Variants in SPAG16 observed in about 807,000 individuals in gnomAD.
SPAG16 encodes the protein sperm associated antigen 16, also known as sperm-associated antigen 16 protein.
In SPAG16, 86 loss-of-function variants were observed where a neutral mutation model predicts 80.4. The observed-to-expected ratio is 1.07, with a 90% CI of 0.90 to 1.28. SPAG16 has a LOEUF of 1.28. Among genes scored for constraint, SPAG16 ranks in the 50% most tolerant of loss-of-function variants. SPAG16 has a pLI of 0.00. For missense variants in SPAG16, 870 were observed against 765.3 expected (o/e 1.14, Z -1.61); for synonymous variants, 294 against 265.9 (o/e 1.11, Z -1.03).
intron 5 of SPAG16, among the ~76,000 whole-genome samples, chr2:213,339,244 G>A (rs991616756): frequency 6.6e-6 from 1 of 152,104 alleles, no homozygotes; most frequent in Middle Eastern, 3.2e-3. Flanking sequence ...CTGTTCGTGT[G>A]CATTTATTTT....
intron 15 of SPAG16, among the ~76,000 whole-genome samples, chr2:214,377,623 TCCAA>T (rs5838431): frequency 0.13 from 20,411 of 152,214 alleles, 1,708 homozygotes; most frequent in Non-Finnish European, 0.19. Context: ...TGGTAACGCT[TCCAA>T]CCAACAGTAG....
intron 15 of SPAG16, among the ~76,000 whole-genome samples, chr2:214,407,074 G>T (rs1402760938): frequency 3.3e-5 from 5 of 151,858 alleles, no homozygotes; most frequent in Non-Finnish European, 7.4e-5. Flanking sequence ...AAGAAAAAAA[G>T]CAAGGCATTT....
intron 11 of SPAG16, among the ~76,000 whole-genome samples, chr2:213,865,286 A>G (rs1344252396): frequency 6.6e-6 from 1 of 152,032 alleles, no homozygotes; most frequent in African/African-American, 2.4e-5. Context: ...ATTTATGACC[A>G]AGATTCAATG....
At chr2:213,538,628 G>A (rs2076326435) in intron 10 of SPAG16, among the ~76,000 whole-genome samples, 1 of 152,040 alleles carries the variant, frequency 6.6e-6, no homozygotes, top group Non-Finnish European at 1.5e-5. Flanking sequence ...AAAGGATTCT[G>A]CCATCACCCT....
At chr2:213,809,381 C>T (rs1351173245) in intron 10 of SPAG16, among the ~76,000 whole-genome samples, 1 of 152,110 alleles carries the variant, frequency 6.6e-6, no homozygotes, top group Non-Finnish European at 1.5e-5. Context: ...AAAGGAAAAA[C>T]TCACCCAGGT....
At chr2:214,261,098 A>G (rs757088001) in intron 15 of SPAG16, among the ~76,000 whole-genome samples, 2 of 101,518 alleles carry the variant, frequency 2.0e-5, no homozygotes, top group Non-Finnish European at 1.9e-5. Context: ...CAAGAGCAAG[A>G]CTCAGTCTCA....
chr2:213,940,838 C>G (rs1218289765), intron 12 of SPAG16, among the ~76,000 whole-genome samples: 1 of 152,030 alleles, frequency 6.6e-6, no homozygotes, highest in East Asian at 1.9e-4. Context: ...ACTTCTTACC[C>G]CTAACTCTTA....
intron 14 of SPAG16, among the ~76,000 whole-genome samples, chr2:214,140,090 G>A (rs919063095): frequency 2.6e-5 from 4 of 152,046 alleles, no homozygotes; most frequent in South Asian, 2.1e-4. Context: ...TAACCTGATC[G>A]CCTCAGGCAC....
intron 10 of SPAG16, among the ~76,000 whole-genome samples, chr2:213,763,788 C>G (rs2125529805): frequency 6.6e-6 from 1 of 152,244 alleles, no homozygotes; most frequent in South Asian, 2.1e-4. Context: ...ATCTGGATGA[C>G]CGTCTTGCTC....
intron 10 of SPAG16, among the ~76,000 whole-genome samples, chr2:213,493,219 A>G (rs1375474733): frequency 6.6e-6 from 1 of 152,226 alleles, no homozygotes. Flanking sequence ...ATTGCTATAA[A>G]CTTAAATATT....
intron 15 of SPAG16, among the ~76,000 whole-genome samples, chr2:214,193,426 TGAGAGAGAGAGAGA>T (rs55774604): frequency 6.6e-5 from 9 of 136,516 alleles, no homozygotes; most frequent in East Asian, 4.3e-4. Flanking sequence ...TGTGTGTGTA[TGAGAGAGAGAGAGA>T]GAGAGAGAGA....
intron 15 of SPAG16, among the ~76,000 whole-genome samples, chr2:214,227,357 A>G (rs952056506): frequency 3.3e-5 from 5 of 152,088 alleles, no homozygotes; most frequent in African/African-American, 1.2e-4. Context: ...TATACCTAAA[A>G]TCTGCTTTAG....
intron 15 of SPAG16, among the ~76,000 whole-genome samples, chr2:214,316,381 T>A (rs1489564258): frequency 6.6e-6 from 1 of 152,154 alleles, no homozygotes; most frequent in Non-Finnish European, 1.5e-5. Context: ...CAAGAGACTT[T>A]CTTAGCCTCA....
chr2:213,350,392 T>C, intron 6 of SPAG16, 136 bp from the exon 7 acceptor site: 1 of 486,698 alleles, frequency 2.1e-6, no homozygotes, highest in East Asian at 3.3e-5. Context: ...TTGGCTGTAG[T>C]GTGTTAACCT....
intron 15 of SPAG16, among the ~76,000 whole-genome samples, chr2:214,248,931 G>A (rs1372743502): frequency 6.6e-6 from 1 of 152,064 alleles, no homozygotes; most frequent in Non-Finnish European, 1.5e-5. Flanking sequence ...CTAAAAACTG[G>A]AACCACAGCA....
At chr2:213,682,370 T>C (rs1381602148) in intron 10 of SPAG16, among the ~76,000 whole-genome samples, 1 of 152,218 alleles carries the variant, frequency 6.6e-6, no homozygotes, top group Non-Finnish European at 1.5e-5. Context: ...TTCAATCATA[T>C]ACACTTTGAT....
intron 9 of SPAG16, among the ~76,000 whole-genome samples, chr2:213,387,807 T>A (rs1431393804): frequency 6.6e-6 from 1 of 152,156 alleles, no homozygotes; most frequent in East Asian, 1.9e-4. Flanking sequence ...ATTTAGATTG[T>A]TTTGTTTCTA....
intron 10 of SPAG16, among the ~76,000 whole-genome samples, chr2:213,809,435 GGT>G (rs2071983911): frequency 6.6e-6 from 1 of 152,030 alleles, no homozygotes; most frequent in African/African-American, 2.4e-5. Context: ...AAACATCTAA[GGT>G]CATTTTTAGA....
At chr2:214,237,872 G>A (rs1478766329) in intron 15 of SPAG16, among the ~76,000 whole-genome samples, 3 of 152,030 alleles carry the variant, frequency 2.0e-5, no homozygotes, top group Non-Finnish European at 4.4e-5. Context: ...TTCTATAGAT[G>A]CAGATTAAAA....
Sources: allele counts gnomAD v4.1 joint callset (sites outside exome capture counted in the v4.1 genomes callset), GRCh38; gene constraint gnomAD v4.1.1; transcripts MANE v1.5; gene names NCBI Gene and HGNC (gene_info 2026-07-23, HGNC 2026-07-21).